ATP13A4: variants seen among roughly 807,000 people sequenced by gnomAD.
The protein encoded by ATP13A4 is ATPase 13A4.
ATP13A4 carries 114 observed loss-of-function variants against 142.5 expected under a neutral mutation model. The observed-to-expected ratio is 0.80, with a 90% CI of 0.69 to 0.93. The LOEUF is 0.93. ATP13A4 is among the 40% of genes least tolerant of loss of function. The pLI is 0.00. For missense variants in ATP13A4, 1,392 were observed against 1,454.0 expected, an observed-to-expected ratio of 0.96 and a Z score of 0.69; for synonymous variants, 488 against 514.8, an observed-to-expected ratio of 0.95 and a Z score of 0.70.
At chr3:193,487,567 A>G (rs948939531) in intron 7 of ATP13A4, among the ~76,000 whole-genome samples, 2 of 152,166 alleles carry the variant, frequency 1.3e-5, no homozygotes, top group African/African-American at 4.8e-5. Flanking sequence ...CTGCCACTTC[A>G]GCCTCCCAAA....
chr3:193,553,567 G>A (rs749664233), intron 1 of ATP13A4: 1 of 152,156 alleles, frequency 6.6e-6, no homozygotes, highest in Non-Finnish European at 1.5e-5. Flanking sequence ...ATCCAATGTG[G>A]GCTAGCAAGC....
rs1714806699 is a variant in ATP13A4 at position 193,412,251 on chromosome 3, T to C, written c.3135A>G (p.Gly1045=). ...SFENTTVWFL[G]TINCITVALV... ...GAGCCACAGTGATACAGTTGATTGT[T>C]CCCAAGAACCAGACTGTAGTGTTCT... The change falls in exon 27 of 30, where the codon GGA becomes GGG. Residue 1045 remains glycine, a synonymous_variant. Coordinates refer to ENST00000342695, the MANE Select transcript of ATP13A4 (RefSeq NM_032279.4). 1 of 1,613,680 alleles carries C rather than the reference T, an allele frequency of 6.2e-7. No homozygotes were observed. The highest frequency in any genetic ancestry group is 2.2e-5 in the East Asian group (1 of 44,862).
chr3:193,577,120 T>C (rs944320326), intron 2 of ATP13A4, among the ~76,000 whole-genome samples: 2 of 152,190 alleles, frequency 1.3e-5, no homozygotes, highest in African/African-American at 2.4e-5. Flanking sequence ...GTTTTAGTCT[T>C]CCACCTATAA....
chr3:193,518,757 C>T (rs1721562494), intron 1 of ATP13A4, among the ~76,000 whole-genome samples: 1 of 152,170 alleles, frequency 6.6e-6, no homozygotes, highest in Non-Finnish European at 1.5e-5. Flanking sequence ...CCATATGCCC[C>T]CTCTAAATGA....
At chr3:193,560,080 T>C (rs281810) in intron 2 of ATP13A4, among the ~76,000 whole-genome samples, 105,334 of 152,084 alleles carry the variant, frequency 0.69, 36,633 homozygotes, top group East Asian at 0.71. Flanking sequence ...ACTAAGTTAC[T>C]TTCATTGTTT....
At chr3:193,440,914 A>T (rs1466550193) in intron 20 of ATP13A4, among the ~76,000 whole-genome samples, 1 of 152,118 alleles carries the variant, frequency 6.6e-6, no homozygotes, top group Non-Finnish European at 1.5e-5. Context: ...TGTCACGGGG[A>T]ATGTGGTCCT....
intron 25 of ATP13A4, among the ~76,000 whole-genome samples, chr3:193,414,996 G>C (rs1238546852): frequency 2.6e-5 from 4 of 152,138 alleles, no homozygotes; most frequent in Non-Finnish European, 5.9e-5. Context: ...TTAAATTACA[G>C]AGAAGGGAGG....
Position 193,487,773 on chromosome 3 carries a change from A to T in ATP13A4, c.738+1957T>A, listed in dbSNP as rs532380141. 7.9e-5 allele frequency among the ~76,000 whole-genome samples: 12 copies of T among 152,334 alleles called. No individual in the cohort carries two copies. In the South Asian group the frequency reaches 8.3e-4, roughly 11 times the overall value. ...ATATACATATGTATAGGTATGTAAT[A>T]TGTGTGCATATGTATATGTATATAT... On this transcript the variant is annotated intron_variant, in intron 7 of 29. Coordinates refer to ENST00000342695, the MANE Select transcript of ATP13A4 (RefSeq NM_032279.4).
At chr3:193,576,288 G>A (rs1277645419) in intron 2 of ATP13A4, among the ~76,000 whole-genome samples, 5 of 100,096 alleles carry the variant, frequency 5.0e-5, no homozygotes, top group African/African-American at 1.9e-4. Flanking sequence ...TTTTTGAGAC[G>A]GAGTCTCGCT....
chr3:193,477,471 A>G (rs927031222), intron 8 of ATP13A4, among the ~76,000 whole-genome samples: 6 of 152,082 alleles, frequency 3.9e-5, no homozygotes, highest in African/African-American at 7.3e-5. Flanking sequence ...ACAAAAAATG[A>G]CCAATTATAT....
intron 29 of ATP13A4, among the ~76,000 whole-genome samples, chr3:193,406,930 C>T (rs1233293368): frequency 1.3e-5 from 2 of 152,098 alleles, no homozygotes; most frequent in African/African-American, 2.4e-5. Context: ...AATTAAGTAG[C>T]GTTAATGGCT....
intron 1 of ATP13A4, 149 bp downstream of exon 1, chr3:193,554,591 G>C (rs1371400834): frequency 1.8e-5 from 17 of 971,126 alleles, no homozygotes; most frequent in Non-Finnish European, 2.6e-5. Flanking sequence ...TCTCAAACAT[G>C]ACCTTTTCTC....
chr3:193,528,469 A>G lies in ATP13A4; in HGVS notation c.61-13598T>C, dbSNP rs73198995. ...ATGCTAGAGAATTTCAAGCCAATGG[A>G]CAGAAGTGGAAATGGTGACATTAGA... On this transcript the variant is annotated intron_variant, in intron 1 of 29. Transcript: ENST00000342695. Among the ~76,000 whole-genome samples the G allele has an allele frequency of 3.2e-3, 490 of 152,316 alleles. 1 individual carries two copies. Among genetic ancestry groups the G allele is most frequent in the Non-Finnish European group, 4.1e-3 (278 of 68,036 alleles).
chr3:193,502,662 C>A, intron 2 of ATP13A4, 23 bp from the exon 3 acceptor site: 1 of 1,611,644 alleles, frequency 6.2e-7, no homozygotes, highest in Non-Finnish European at 8.5e-7. Flanking sequence ...ACATCAAAAC[C>A]CCCAAGAAGT....
intron 25 of ATP13A4, among the ~76,000 whole-genome samples, chr3:193,420,710 A>G (rs1233528307): frequency 6.7e-6 from 1 of 149,676 alleles, no homozygotes; most frequent in Non-Finnish European, 1.5e-5. Context: ...AGAGATAAAT[A>G]TCATTTAAAA....
chr3:193,441,001 A>C (rs62285718), intron 20 of ATP13A4, among the ~76,000 whole-genome samples: 21,523 of 149,644 alleles, frequency 0.14, 1,791 homozygotes, highest in South Asian at 0.2. Context: ...CTATCGATCT[A>C]TCTCTCTCTC....
At chr3:193,564,224 T>C (rs893831081) in intron 2 of ATP13A4, among the ~76,000 whole-genome samples, 4 of 152,242 alleles carry the variant, frequency 2.6e-5, no homozygotes, top group African/African-American at 9.6e-5. Context: ...TCTACAGGCC[T>C]GCTTCCAGCC....
intron 20 of ATP13A4, 52 bp from the exon 21 acceptor site, chr3:193,440,689 T>C (rs766620131): frequency 3.2e-6 from 5 of 1,571,222 alleles, no homozygotes; most frequent in South Asian, 1.1e-5. Context: ...TGGTTGTACA[T>C]GAAATAATTA....
At chr3:193,546,924 T>G (rs2108724113) in intron 1 of ATP13A4, among the ~76,000 whole-genome samples, 1 of 152,366 alleles carries the variant, frequency 6.6e-6, no homozygotes, top group South Asian at 2.1e-4. Context: ...GTCCCGAACT[T>G]GGCTCAGATC....
Sources: gnomAD v4.1 joint callset for allele counts (sites outside exome capture counted in the v4.1 genomes callset) on GRCh38, gnomAD v4.1.1 for gene constraint, MANE v1.5 for transcripts, NCBI Gene and HGNC (gene_info 2026-07-23, HGNC 2026-07-21) for gene names.